DOCK1: variants seen among roughly 807,000 people sequenced by gnomAD.
The protein encoded by DOCK1 is dedicator of cytokinesis 1.
Under a neutral mutation model 262.7 loss-of-function variants are expected in DOCK1, and 138 were observed. The ratio of observed to expected loss-of-function variants is 0.53; its 90% CI spans 0.46 to 0.61. DOCK1 has a LOEUF of 0.61. Among genes scored for constraint, DOCK1 ranks in the 20% least tolerant of loss-of-function variants. The probability of loss-of-function intolerance (pLI) is 0.00; values close to 1 mark genes in which losing one functional copy is unlikely to be tolerated. For missense variants in DOCK1, 1,908 were observed against 2,370.7 expected (o/e 0.80, Z 4.05); for synonymous variants, 866 against 867.4 (o/e 1.00, Z 0.03).
chr10:126,955,925 T>C (rs1328739114), intron 1 of DOCK1, among the ~76,000 whole-genome samples: 1 of 152,108 alleles, frequency 6.6e-6, no homozygotes. Context: ...AATAGTGGTG[T>C]TGAGGGTAGC....
intron 13 of DOCK1, among the ~76,000 whole-genome samples, chr10:127,019,545 G>A (rs1441425084): frequency 1.3e-5 from 2 of 151,590 alleles, no homozygotes; most frequent in African/African-American, 4.9e-5. Context: ...ACTCGGGTTC[G>A]AGACCACCCT....
At chr10:126,997,043 T>C (rs1211088244) in intron 7 of DOCK1, among the ~76,000 whole-genome samples, 160 bp downstream of exon 7, 1 of 152,150 alleles carries the variant, frequency 6.6e-6, no homozygotes, top group Non-Finnish European at 1.5e-5. Flanking sequence ...TGGAGCCTGG[T>C]GGCACAGGAT....
At chr10:127,250,517 G>C (rs901026136) in intron 28 of DOCK1, among the ~76,000 whole-genome samples, 1 of 152,112 alleles carries the variant, frequency 6.6e-6, no homozygotes, top group African/African-American at 2.4e-5. Flanking sequence ...TTGGCCGGGC[G>C]TGGTGGCTCA....
chr10:126,990,843 G>A (rs1169820389), intron 6 of DOCK1, among the ~76,000 whole-genome samples: 2 of 152,164 alleles, frequency 1.3e-5, no homozygotes, highest in South Asian at 2.1e-4. Context: ...AGAAGCCAGG[G>A]AGCCTGTCAT....
chr10:127,189,881 G>A (rs2056586969), intron 27 of DOCK1, among the ~76,000 whole-genome samples: 1 of 147,722 alleles, frequency 6.8e-6, no homozygotes, highest in Non-Finnish European at 1.5e-5. Flanking sequence ...ATGATAAATT[G>A]GTGGGTCTGG....
intron 29 of DOCK1, among the ~76,000 whole-genome samples, chr10:127,305,343 G>T (rs2061835083): frequency 6.6e-6 from 1 of 152,188 alleles, no homozygotes; most frequent in South Asian, 2.1e-4. Flanking sequence ...GAGTCCAGGT[G>T]TTCTAGGGGA....
rs568010005 is a variant in DOCK1 at position 127,000,420 on chromosome 10, C to A, written c.985+113C>A. On this transcript the variant is annotated intron_variant, in intron 10 of 51. Coordinates refer to ENST00000623213, the MANE Select transcript of DOCK1 (RefSeq NM_001290223.2). ...GCACAGCTGTGATTTATAAGCTTTT[C>A]TGCTGGAGAGAAAAAATATATTTAT... 1.9e-5 allele frequency: 26 copies of A among 1,398,474 alleles called. No individual in the cohort carries two copies. The African/African-American group carries it at 3.6e-4, about 20-fold the overall frequency. The allele number at this position is 1,398,474 out of a possible 1,614,324, so 86.6% of individuals were successfully genotyped here.
intron 27 of DOCK1, among the ~76,000 whole-genome samples, chr10:127,214,146 C>CTT (rs1324637760): frequency 6.6e-6 from 1 of 152,132 alleles, no homozygotes; most frequent in African/African-American, 2.4e-5. Flanking sequence ...TGCACCCGAC[C>CTT]TTTTTTTCAC....
chr10:127,100,411 G>A lies in DOCK1; in HGVS notation c.2446-5820G>A, dbSNP rs186847048. 2.0e-4 allele frequency among the ~76,000 whole-genome samples: 31 copies of A among 152,306 alleles called. No homozygotes were observed. In the East Asian group the frequency reaches 4.1e-3, roughly 20 times the overall value. On this transcript the variant is annotated intron_variant, in intron 23 of 51. Transcript: ENST00000623213. This position sits in a 1 kb window ranked among gnomAD's most constrained non-coding sequence, Gnocchi z 5.5. ...TGCAGCTGGGGCTTGGCGGTGCAGC[G>A]CCTGGCACTGGAATCCCTAGGGAAG...
intron 29 of DOCK1, among the ~76,000 whole-genome samples, chr10:127,330,465 C>A (rs1355567324): frequency 1.3e-5 from 2 of 151,182 alleles, no homozygotes; most frequent in Non-Finnish European, 2.9e-5. Context: ...GAAATTGGAA[C>A]CCTTGTGTAC....
At chr10:127,200,231 TA>T (rs1219920079) in intron 27 of DOCK1, among the ~76,000 whole-genome samples, 2 of 152,044 alleles carry the variant, frequency 1.3e-5, no homozygotes, top group Admixed American at 6.6e-5. Flanking sequence ...ATTAAGAGAA[TA>T]AAGTAGTGAA....
chr10:127,052,714 C>T lies in DOCK1; in HGVS notation c.2235C>T (p.Asp745=), dbSNP rs369997788. The T allele has an allele frequency of 8.6e-5, 138 of 1,613,886 alleles. 2 individuals are homozygous for T. In the East Asian group the frequency reaches 2.3e-3, roughly 26 times the overall value. Residue 745 remains aspartate, a synonymous_variant, in exon 22 of 52, where the codon GAC becomes GAT. Transcript: ENST00000623213. ...KLTKVLKNYV[D]GAEKPGVNEQ... Reference sequence around the variant, plus strand: ...CAAAAGTGTTGAAGAACTACGTGGACGGTGCTGAGAAGCCGGGAGTAAATG... The same window carrying T: ...CAAAAGTGTTGAAGAACTACGTGGATGGTGCTGAGAAGCCGGGAGTAAATG...
At chr10:127,324,606 A>G (rs1174790756) in intron 29 of DOCK1, among the ~76,000 whole-genome samples, 1 of 151,756 alleles carries the variant, frequency 6.6e-6, no homozygotes, top group Non-Finnish European at 1.5e-5. Context: ...AGCAAAGGCA[A>G]TATTTCGGTT....
intron 27 of DOCK1, among the ~76,000 whole-genome samples, chr10:127,244,540 C>G (rs145319816): frequency 3.3e-5 from 5 of 152,188 alleles, no homozygotes; most frequent in African/African-American, 1.2e-4. Context: ...TCCCTGCACC[C>G]TTGCTCACAT....
intron 19 of DOCK1, among the ~76,000 whole-genome samples, chr10:127,041,803 AG>A (rs1185101973): frequency 6.6e-6 from 1 of 152,186 alleles, no homozygotes; most frequent in Non-Finnish European, 1.5e-5. Context: ...GTCCCTAATG[AG>A]TAATCATGAT....
chr10:127,037,693 A>C (rs1439354894), intron 18 of DOCK1, 26 bp from the exon 19 acceptor site: 5 of 1,551,182 alleles, frequency 3.2e-6, no homozygotes, highest in Non-Finnish European at 4.4e-6. Context: ...GCTTGTGAAG[A>C]TCTGATTGTC....
At chr10:127,090,876 T>C (rs2047482656) in intron 23 of DOCK1, among the ~76,000 whole-genome samples, 1 of 152,222 alleles carries the variant, frequency 6.6e-6, no homozygotes, top group South Asian at 2.1e-4. Flanking sequence ...CACAGGTGTT[T>C]ATCCATTTAT....
intron 29 of DOCK1, among the ~76,000 whole-genome samples, chr10:127,268,629 C>G (rs910499427): frequency 2.0e-4 from 30 of 152,078 alleles, no homozygotes; most frequent in African/African-American, 7.0e-4. Flanking sequence ...CTCAGCCAAA[C>G]CAGCGCCCTC....
intron 23 of DOCK1, among the ~76,000 whole-genome samples, chr10:127,099,607 G>A (rs2048115024): frequency 6.6e-6 from 1 of 152,118 alleles, no homozygotes; most frequent in African/African-American, 2.4e-5. Context: ...AGAGAGCGCA[G>A]GGAGGTGCCA....
Sources: gnomAD v4.1 joint callset for allele counts (sites outside exome capture counted in the v4.1 genomes callset) on GRCh38, gnomAD v4.1.1 for gene constraint, Gnocchi (gnomAD v3.1) non-coding constraint, MANE v1.5 for transcripts, NCBI Gene and HGNC (gene_info 2026-07-23, HGNC 2026-07-21) for gene names.